The following PKD1L1 variants were observed in gnomAD, a reference collection of about 807,000 sequenced individuals.
The protein encoded by PKD1L1 is polycystin 1 like 1, transient receptor potential channel interacting.
A neutral mutation model predicts 323.4 loss-of-function variants in PKD1L1; 236 were observed. That is an observed-to-expected ratio of 0.73 (90% CI 0.66 to 0.81). The LOEUF is 0.81. PKD1L1 is among the 40% of genes least tolerant of loss of function. The pLI, the probability that PKD1L1 is intolerant of heterozygous loss-of-function variation, is 0.00. For synonymous variants in PKD1L1, 1,344 were observed against 1,335.0 expected (o/e 1.01, Z -0.15); for missense variants, 3,320 against 3,508.0 (o/e 0.95, Z 1.35).
At chr7:47,893,849 G>T (rs1786876464) in intron 15 of PKD1L1, 29 bp downstream of exon 15, 2 of 1,604,918 alleles carry the variant, frequency 1.2e-6, no homozygotes, top group African/African-American at 2.7e-5. Flanking sequence ...CTGAGTAGCT[G>T]CGCAGCTCTG....
At chr7:47,795,421 G>T in intron 55 of PKD1L1, 1 of 451,794 alleles carries the variant, frequency 2.2e-6, no homozygotes, top group East Asian at 7.0e-5. Context: ...ATGAACCTGA[G>T]GCCTCCCAAG....
chr7:47,950,378 T>TGA (rs1343729424), upstream of PKD1L1, among the ~76,000 whole-genome samples: 1 of 152,102 alleles, frequency 6.6e-6, no homozygotes, highest in African/African-American at 2.4e-5. Context: ...TGCCAGGAAA[T>TGA]GAGGAGGAGC....
rs535034017 is a variant in PKD1L1, at chr7:47,946,513, C to T, written c.44+1884G>A. On this transcript the variant is annotated intron_variant, in intron 1 of 56. Transcript: ENST00000289672. The surrounding 1 kb of genome is among the most constrained non-coding windows in gnomAD (Gnocchi z 4.1). ...ACGCACCACACAAACACACCATACA[C>T]ACAAACACCACACACACACCAACAC... 3.4e-4 allele frequency among the ~76,000 whole-genome samples: 52 copies of T among 151,050 alleles called. No homozygotes were observed. The highest frequency in any genetic ancestry group is 1.2e-3 in the African/African-American group (51 of 41,006).
At chr7:47,922,461 G>A (rs574409667) in intron 7 of PKD1L1, among the ~76,000 whole-genome samples, 26 of 152,118 alleles carry the variant, frequency 1.7e-4, no homozygotes, top group African/African-American at 2.2e-4. Context: ...CGTCTAGGAA[G>A]TGAGGAGCGT....
chr7:47,833,855 A>G (rs1321389031), intron 40 of PKD1L1, among the ~76,000 whole-genome samples: 1 of 152,192 alleles, frequency 6.6e-6, no homozygotes. Context: ...GCTGCCCTCC[A>G]ACTGCCCCGT....
At chr7:47,795,597 A>G (rs1178158321) in intron 55 of PKD1L1, among the ~76,000 whole-genome samples, 1 of 152,166 alleles carries the variant, frequency 6.6e-6, no homozygotes. Flanking sequence ...GGGTGACTGA[A>G]CTCAAGTAAT....
intron 21 of PKD1L1, 122 bp from the exon 22 acceptor site, chr7:47,877,753 C>T: frequency 8.7e-7 from 1 of 1,154,866 alleles, no homozygotes; most frequent in African/African-American, 1.6e-5. Flanking sequence ...AGACCAGCAG[C>T]ATCGGACTAA....
At chr7:47,915,792 A>G (rs2128752797) in intron 7 of PKD1L1, among the ~76,000 whole-genome samples, 193 bp from the exon 8 acceptor site, 1 of 152,224 alleles carries the variant, frequency 6.6e-6, no homozygotes, top group East Asian at 1.9e-4. Flanking sequence ...AATTAAAATA[A>G]AAGAACTATA....
chr7:47,950,059 C>T (rs982628585), upstream of PKD1L1, among the ~76,000 whole-genome samples: 7 of 152,224 alleles, frequency 4.6e-5, no homozygotes, highest in East Asian at 5.8e-4. Flanking sequence ...ATTAGCAATA[C>T]ACTTTCAAAT....
rs549604880 is a variant in PKD1L1, at chr7:47,800,634, G to T, written c.8193+15C>A. On this transcript the variant is annotated intron_variant, in intron 54 of 56. Transcript: ENST00000289672. ...TACAAACCATAACTTGAAAGTTGGGGATGTGTTTACTTACCATTCCAAAAC... is the reference window on the plus strand; with the variant it reads ...TACAAACCATAACTTGAAAGTTGGGTATGTGTTTACTTACCATTCCAAAAC... 10 of 1,606,046 alleles carry T rather than the reference G, an allele frequency of 6.2e-6. No individual in the cohort carries two copies. In the South Asian group the frequency reaches 6.6e-5, roughly 11 times the overall value.
chr7:47,903,574 C>T (rs961561543), intron 12 of PKD1L1, among the ~76,000 whole-genome samples: 3 of 152,212 alleles, frequency 2.0e-5, no homozygotes, highest in African/African-American at 4.8e-5. Flanking sequence ...CCCACCAAAG[C>T]GTGGAGAGGC....
intron 22 of PKD1L1, among the ~76,000 whole-genome samples, chr7:47,877,123 G>T (rs73105184): frequency 0.36 from 55,066 of 151,674 alleles, 11,371 homozygotes; most frequent in African/African-American, 0.57. Context: ...AAATGTGCCT[G>T]GGGAGGGAAA....
At chr7:47,935,927 G>A (rs986742044) in intron 4 of PKD1L1, among the ~76,000 whole-genome samples, 1 of 152,196 alleles carries the variant, frequency 6.6e-6, no homozygotes. Context: ...AAGTCGCATC[G>A]GTGAAAACAG....
chr7:47,779,458 G>A (rs1318024150), intron 56 of PKD1L1, among the ~76,000 whole-genome samples: 1 of 152,196 alleles, frequency 6.6e-6, no homozygotes, highest in African/African-American at 2.4e-5. Context: ...AGTGGGAGTA[G>A]GCCATAACTC....
chr7:47,944,252 T>C (rs1022511968), intron 1 of PKD1L1, among the ~76,000 whole-genome samples: 4 of 152,136 alleles, frequency 2.6e-5, no homozygotes, highest in Middle Eastern at 3.4e-3. Context: ...CATTTAAAAG[T>C]GTGTGGTATC....
chr7:47,935,202 T>G (rs1787845633), intron 4 of PKD1L1, among the ~76,000 whole-genome samples: 1 of 152,240 alleles, frequency 6.6e-6, no homozygotes, highest in Non-Finnish European at 1.5e-5. Context: ...AGCTGCGAAA[T>G]TCTTCATTGG....
At position 47,792,617 on chromosome 7, in the gene PKD1L1, A is replaced by G; in HGVS notation, c.8526+10T>C. The G allele has an allele frequency of 6.3e-7, 1 of 1,575,334 alleles. No homozygotes were observed. The highest frequency in any genetic ancestry group is 8.6e-7 in the Non-Finnish European group (1 of 1,159,300). On this transcript the variant is annotated intron_variant, in intron 56 of 56. Coordinates refer to ENST00000289672, the MANE Select transcript of PKD1L1 (RefSeq NM_138295.5). ...AGAAAATTGACATAAATAATTTTGC[A>G]TGGTCTTACCTCAGCAGCTTGGTAA...
intron 8 of PKD1L1, among the ~76,000 whole-genome samples, chr7:47,909,075 G>T (rs1373478610): frequency 6.6e-6 from 1 of 152,172 alleles, no homozygotes; most frequent in African/African-American, 2.4e-5. Flanking sequence ...TGAATAAAAG[G>T]TTATGTTTTA....
chr7:47,796,290 G>GT, intron 54 of PKD1L1, 140 bp from the exon 55 acceptor site: 3 of 804,468 alleles, frequency 3.7e-6, no homozygotes, highest in Non-Finnish European at 3.7e-6. Context: ...TGATTTCTTG[G>GT]TGAAAAAAAG....
Sources: allele counts gnomAD v4.1 joint callset (sites outside exome capture counted in the v4.1 genomes callset), GRCh38; gene constraint gnomAD v4.1.1; non-coding constraint Gnocchi (gnomAD v3.1); transcripts MANE v1.5; gene names NCBI Gene and HGNC (gene_info 2026-07-23, HGNC 2026-07-21).